Variants in GLDC observed in about 807,000 individuals in gnomAD.
The protein encoded by GLDC is glycine dehydrogenase (decarboxylating), mitochondrial.
GLDC carries 104 observed loss-of-function variants against 121.3 expected under a neutral mutation model. The ratio of observed to expected loss-of-function variants is 0.86; its 90% CI spans 0.73 to 1.01. The LOEUF (loss-of-function observed/expected upper bound fraction) is 1.01. Ranked by LOEUF, GLDC falls within the 50% of genes least tolerant of loss-of-function variation. The pLI, the probability that GLDC is intolerant of heterozygous loss-of-function variation, is 0.00. For synonymous variants in GLDC, 546 were observed against 480.6 expected, an observed-to-expected ratio of 1.14 and a Z score of -1.78; for missense variants, 1,429 against 1,306.6, an observed-to-expected ratio of 1.09 and a Z score of -1.44.
intron 21 of GLDC, among the ~76,000 whole-genome samples, chr9:6,549,314 G>A (rs1021237077): frequency 2.8e-5 from 4 of 143,000 alleles, no homozygotes; most frequent in African/African-American, 1.0e-4. Flanking sequence ...GATGGACAGA[G>A]CCAGACAATA....
chr9:6,635,881 A>T (rs1367246124), intron 2 of GLDC, among the ~76,000 whole-genome samples: 2 of 152,138 alleles, frequency 1.3e-5, no homozygotes, highest in African/African-American at 2.4e-5. Context: ...TCTCAAATAA[A>T]ATAAATAAAA....
rs202086134 is a variant in GLDC, at chr9:6,645,237, G to A, written c.255+8C>T. On this transcript the variant is annotated splice_region_variant and intron_variant, in intron 1 of 24. Transcript: ENST00000321612. ...GGAGGCCGCGGAGGGCCGGGTGGAG[G>A]TCCTTACCGCCAGCCCCAAGGTCTG... 165 of 1,584,112 alleles carry A rather than the reference G, an allele frequency of 1.0e-4. No individual in the cohort carries two copies. Among genetic ancestry groups the A allele is most frequent in the Non-Finnish European group, 1.4e-4 (162 of 1,165,398 alleles).
intron 24 of GLDC, among the ~76,000 whole-genome samples, 178 bp from the exon 25 acceptor site, chr9:6,533,338 G>A (rs563412325): frequency 6.6e-5 from 10 of 152,226 alleles, no homozygotes; most frequent in East Asian, 3.9e-4. Flanking sequence ...CCCAGGAGGC[G>A]TGTCCCTGAT....
At chr9:6,564,015 G>A (rs1817807427) in intron 16 of GLDC, among the ~76,000 whole-genome samples, 1 of 152,008 alleles carries the variant, frequency 6.6e-6, no homozygotes. Flanking sequence ...AGAGGTCCAG[G>A]GGCGGGTGGA....
chr9:6,644,411 T>C, intron 2 of GLDC: 1 of 620,746 alleles, frequency 1.6e-6, no homozygotes, highest in East Asian at 2.7e-5. Flanking sequence ...CAACACCGAC[T>C]CTCTCCTAAC....
At chr9:6,535,965 A>C in intron 23 of GLDC, 99 bp downstream of exon 23, 1 of 1,005,772 alleles carries the variant, frequency 9.9e-7, no homozygotes, top group Non-Finnish European at 1.6e-6. Flanking sequence ...AGGGAAGAGT[A>C]TCATCCTCAG....
intron 9 of GLDC, among the ~76,000 whole-genome samples, chr9:6,593,284 T>TATAA (rs1818415005): frequency 6.6e-6 from 1 of 150,736 alleles, no homozygotes; most frequent in Non-Finnish European, 1.5e-5. Flanking sequence ...TATATATATA[T>TATAA]ATAAAATTAT....
At chr9:6,644,784 T>C (rs559464023) in intron 1 of GLDC, 92 bp from the exon 2 acceptor site, 24 of 847,428 alleles carry the variant, frequency 2.8e-5, no homozygotes, top group Non-Finnish European at 4.3e-5. Context: ...GGGAACCTCA[T>C]TGAAATCGCC....
chr9:6,604,945 C>A lies in GLDC; in HGVS notation c.862-161G>T, dbSNP rs1818699528. The A allele has an allele frequency of 9.2e-6, 8 of 871,090 alleles. No individual in the cohort carries two copies. The South Asian group carries it at 1.1e-4, about 12-fold the overall frequency. The allele number at this position is 871,090 out of a possible 1,614,324, so 54.0% of individuals were successfully genotyped here. ...CATTCAGTAAATACATACTGAGTGCCCACCATGTGCCAGGAATCCGGGAAC... is the reference window on the plus strand; with the variant it reads ...CATTCAGTAAATACATACTGAGTGCACACCATGTGCCAGGAATCCGGGAAC... On this transcript the variant is annotated intron_variant, in intron 6 of 24. Transcript: ENST00000321612.
intron 15 of GLDC, among the ~76,000 whole-genome samples, chr9:6,571,512 C>A (rs1336267274): frequency 1.3e-5 from 2 of 152,136 alleles, no homozygotes; most frequent in South Asian, 2.1e-4. Context: ...TGAGATCGTG[C>A]CACTGTACGA....
chr9:6,545,129 T>G (rs1817360987), intron 21 of GLDC, among the ~76,000 whole-genome samples: 1 of 152,108 alleles, frequency 6.6e-6, no homozygotes, highest in South Asian at 2.1e-4. Flanking sequence ...AAGTATCATC[T>G]TACCTGAGGT....
intron 2 of GLDC, among the ~76,000 whole-genome samples, chr9:6,631,844 A>G (rs1819388801): frequency 6.6e-6 from 1 of 152,190 alleles, no homozygotes; most frequent in South Asian, 2.1e-4. Flanking sequence ...AGGGAGGAGG[A>G]TGTTTTGAAC....
chr9:6,589,639 C>A (rs1024246244), intron 11 of GLDC, among the ~76,000 whole-genome samples: 1 of 152,254 alleles, frequency 6.6e-6, no homozygotes, highest in East Asian at 1.9e-4. Context: ...GCCGCCCAGG[C>A]TGGTCACAAA....
intron 9 of GLDC, 80 bp from the exon 10 acceptor site, chr9:6,593,070 A>T: frequency 6.8e-7 from 1 of 1,475,842 alleles, no homozygotes. Context: ...AATAATAAAG[A>T]GATAAATTCT....
rs771367146 is a variant in GLDC at position 6,565,360 on chromosome 9, G to A, written c.1920C>T (p.His640=). 3 of 1,611,516 alleles carry A rather than the reference G, an allele frequency of 1.9e-6. No homozygotes were observed. The highest frequency in any genetic ancestry group is 1.7e-6 in the Non-Finnish European group (2 of 1,177,640). ...CACCTCCTGCCATACTCACCGTTCT[G>A]TGCCCCTCTCCTTTCTGGTTTAAGT... ...RAYLNQKGEG[H]RTVCLIPKSA... is the part of the protein sequence containing the mutation. Residue 640 remains histidine, a synonymous_variant, in exon 16 of 25, where the codon CAC becomes CAT. Coordinates refer to ENST00000321612, the MANE Select transcript of GLDC (RefSeq NM_000170.3).
chr9:6,611,164 G>T lies in GLDC; in HGVS notation c.471-808C>A, dbSNP rs536895042. On this transcript the variant is annotated intron_variant, in intron 3 of 24. Coordinates refer to ENST00000321612, the MANE Select transcript of GLDC (RefSeq NM_000170.3). ...TAACTCTATGGCTATTGAAATTCCA[G>T]GATGGAAATGTTTAGAAGGCAACGT... Among the ~76,000 whole-genome samples, 67 of 152,322 alleles carry T rather than the reference G, an allele frequency of 4.4e-4. No homozygotes were observed. In the Middle Eastern group the frequency reaches 0.01, roughly 23 times the overall value.
chr9:6,585,070 TC>T (rs2129823662), intron 15 of GLDC: 1 of 152,316 alleles, frequency 6.6e-6, no homozygotes, highest in Non-Finnish European at 1.5e-5. Context: ...CCAGTCATTC[TC>T]CATTGAGATT....
Position 6,556,267 on chromosome 9 carries a change from C to T in GLDC, c.2088G>A (p.Met696Ile), listed in dbSNP as rs1268958687. 1.2e-6 allele frequency: 2 copies of T among 1,613,582 alleles called. No homozygotes were observed. Among genetic ancestry groups the T allele is most frequent in the East Asian group, 2.2e-5 (1 of 44,880 alleles). ...CCCCATTGGTGGATGGGTATGTAAT[C>T]ATGATAGCTGCTAGGTTCTCCTTGT... ...DKHKENLAAI[M>I]ITYPSTNGVF... The change falls in exon 18 of 25, where the codon ATG becomes ATA. Residue 696 changes from methionine (M) to isoleucine (I), a missense_variant. Transcript: ENST00000321612.
chr9:6,576,134 T>A (rs1008462603), intron 15 of GLDC, among the ~76,000 whole-genome samples: 3 of 152,242 alleles, frequency 2.0e-5, no homozygotes, highest in African/African-American at 7.2e-5. Context: ...TTATGGTTAT[T>A]GTCTTAATCC....
Sources: gnomAD v4.1 joint callset for allele counts (sites outside exome capture counted in the v4.1 genomes callset) on GRCh38, gnomAD v4.1.1 for gene constraint, MANE v1.5 for transcripts, NCBI Gene and HGNC (gene_info 2026-07-23, HGNC 2026-07-21) for gene names.